Variants in CHRNB3 observed in about 807,000 individuals in gnomAD.
CHRNB3 encodes cholinergic receptor nicotinic beta 3 subunit.
Under a neutral mutation model 40.6 loss-of-function variants are expected in CHRNB3, and 37 were observed. That is an observed-to-expected ratio of 0.91 (90% confidence interval 0.70 to 1.20). The LOEUF is 1.20. Ranked by LOEUF, CHRNB3 falls within the 50% of genes most tolerant of loss-of-function variation. The probability of loss-of-function intolerance (pLI) is 0.00; values close to 1 mark genes in which losing one functional copy is unlikely to be tolerated. For missense variants in CHRNB3, 505 were observed against 551.2 expected (o/e 0.92, Z 0.84); for synonymous variants, 207 against 207.1 (o/e 1.00, Z 0.00).
At chr8:42,703,836 TC>T (rs894228264) in intron 1 of CHRNB3, among the ~76,000 whole-genome samples, 3 of 152,154 alleles carry the variant, frequency 2.0e-5, no homozygotes, top group African/African-American at 7.2e-5. Context: ...ACTTGGCCTT[TC>T]TCATAATGTT....
chr8:42,712,231 G>A (rs2128905880), intron 3 of CHRNB3, among the ~76,000 whole-genome samples: 1 of 152,294 alleles, frequency 6.6e-6, no homozygotes, highest in East Asian at 1.9e-4. Context: ...GGCCTCAGGT[G>A]ATCTGCTCAC....
At chr8:42,730,767 G>GAAAAGTAAGTATCACA in intron 4 of CHRNB3, 64 bp downstream of exon 4, 234 of 1,091,486 alleles carry the variant, frequency 2.1e-4, no homozygotes, top group Middle Eastern at 1.0e-3. Context: ...GTGAAAAAAA[G>GAAAAGTAAGTATCACA]GCTGGGCGCG....
At chr8:42,699,811 A>G (rs1199916275) in intron 1 of CHRNB3, among the ~76,000 whole-genome samples, 1 of 151,338 alleles carries the variant, frequency 6.6e-6, no homozygotes, top group Non-Finnish European at 1.5e-5. Context: ...TCCATTGAAT[A>G]TGCATTCTTT....
chr8:42,725,907 C>A, intron 3 of CHRNB3: 1 of 854,434 alleles, frequency 1.2e-6, no homozygotes, highest in South Asian at 1.3e-5. Context: ...GGCAAAGTCT[C>A]GCAATGGTTC....
Position 42,731,575 on chromosome 8 carries a change from A to C in CHRNB3, c.360-92A>C. 5.9e-6 allele frequency: 8 copies of C among 1,344,772 alleles called. No homozygotes were observed. The South Asian group carries it at 7.5e-5, about 13-fold the overall frequency. 83.3% of individuals were successfully genotyped at this position (1,344,772 alleles called of 1,614,324 possible). The stretch of plus-strand genomic sequence containing the variant: ...ATCTCAAAAAAGAAAAGAAAAGAAA[A>C]GTCATAAAACAGAAATAGTCAATGC... On this transcript the variant is annotated intron_variant, in intron 4 of 5. Transcript: ENST00000289957.
At chr8:42,707,796 T>C (rs1466889352) in intron 1 of CHRNB3, among the ~76,000 whole-genome samples, 1 of 152,166 alleles carries the variant, frequency 6.6e-6, no homozygotes, top group Non-Finnish European at 1.5e-5. Context: ...AAGAGGACCG[T>C]GAGGGGCACA....
chr8:42,697,658 C>A, intron 1 of CHRNB3, 60 bp downstream of exon 1: 1 of 1,235,446 alleles, frequency 8.1e-7, no homozygotes, highest in South Asian at 1.2e-5. Flanking sequence ...GCAGAGGAGG[C>A]AAAACTATGG....
At chr8:42,727,784 A>G (rs1586408019) in intron 3 of CHRNB3, among the ~76,000 whole-genome samples, 1 of 151,982 alleles carries the variant, frequency 6.6e-6, no homozygotes, top group Non-Finnish European at 1.5e-5. Context: ...AATCGCTTGA[A>G]CCCAGGAGGC....
chr8:42,732,171 G>C lies in CHRNB3; in HGVS notation c.864G>C (p.Ser288=), dbSNP rs774382733. Residue 288 remains serine, a synonymous_variant, in exon 5 of 6, where the codon TCG becomes TCC. Transcript: ENST00000289957. ...TAGTGATTGAAGAAATCATCCCATC[G>C]TCTTCCAAAGTCATTCCTCTCATTG... ...FLLVIEEIIP[S]SSKVIPLIGE... 1 of 1,609,174 alleles carries C rather than the reference G, an allele frequency of 6.2e-7. No individual in the cohort carries two copies. Among genetic ancestry groups the C allele is most frequent in the Admixed American group, 1.7e-5 (1 of 58,956 alleles).
rs987096486 is a variant in CHRNB3 at position 42,697,451 on chromosome 8, T to C, written c.-96T>C. On this transcript the variant is annotated 5_prime_UTR_variant, in exon 1 of 6. Transcript: ENST00000289957. ...GTCCTCTTGGGTTCCACTTCGGATT[T>C]TGAACCCCTGTATTTTCTTTTCAAA... 4.7e-6 allele frequency: 5 copies of C among 1,074,232 alleles called. No individual in the cohort carries two copies. The highest frequency in any genetic ancestry group is 1.7e-5 in the Admixed American group (1 of 57,672). The allele number at this position is 1,074,232 out of a possible 1,614,324, so 66.5% of individuals were successfully genotyped here. A position where few individuals can be genotyped will look rare whatever the true frequency, so the allele number is the denominator to read the frequency against.
chr8:42,698,752 G>T (rs1030940498), intron 1 of CHRNB3, among the ~76,000 whole-genome samples: 1 of 152,072 alleles, frequency 6.6e-6, no homozygotes, highest in Non-Finnish European at 1.5e-5. Context: ...ATTAATGTAC[G>T]TGTGTCTGAT....
At chr8:42,708,923 T>C in intron 2 of CHRNB3, 55 bp downstream of exon 2, 1 of 1,509,298 alleles carries the variant, frequency 6.6e-7, no homozygotes, top group African/African-American at 1.4e-5. Flanking sequence ...AACCTGTTTA[T>C]GAGTCTAAAA....
At chr8:42,713,366 G>T (rs1395870412) in intron 3 of CHRNB3, among the ~76,000 whole-genome samples, 1 of 151,982 alleles carries the variant, frequency 6.6e-6, no homozygotes, top group Non-Finnish European at 1.5e-5. Context: ...AATCCCAGAA[G>T]ACTGGTGGGT....
chr8:42,700,024 T>A (rs988665838), intron 1 of CHRNB3, among the ~76,000 whole-genome samples: 18 of 151,890 alleles, frequency 1.2e-4, no homozygotes, highest in Non-Finnish European at 7.4e-5. Flanking sequence ...CTTTTCTTTT[T>A]TTTTTTTGAG....
intron 1 of CHRNB3, among the ~76,000 whole-genome samples, chr8:42,703,426 A>AT (rs1563606324): frequency 3.9e-4 from 31 of 79,784 alleles, no homozygotes; most frequent in African/African-American, 1.4e-3. Context: ...TTCGTCTAAA[A>AT]AAAAAAAAAA....
rs764242939 is a variant in CHRNB3 at position 42,732,537 on chromosome 8, T to C, written c.1230T>C (p.His410=). 1.3e-6 allele frequency: 2 copies of C among 1,593,236 alleles called. No homozygotes were observed. Among genetic ancestry groups the C allele is most frequent in the South Asian group, 1.2e-5 (1 of 86,522 alleles). The change falls in exon 5 of 6, where the codon CAT becomes CAC. Residue 410 remains histidine (H), a synonymous_variant. Transcript: ENST00000289957. ...TTTCGAGACATGTGAAGAAAGAACATTTTATCAGCCAGGTGAGTAAACTGG... is the reference window on the plus strand; with the variant it reads ...TTTCGAGACATGTGAAGAAAGAACACTTTATCAGCCAGGTGAGTAAACTGG... The part of the protein sequence containing the change: ...RYISRHVKKE[H]FISQVVQDWK...
intron 3 of CHRNB3, among the ~76,000 whole-genome samples, chr8:42,717,453 T>A (rs1297836020): frequency 7.0e-6 from 1 of 142,826 alleles, no homozygotes; most frequent in Non-Finnish European, 1.5e-5. Context: ...GTCTGGGTGA[T>A]CTCCCCAAAA....
At chr8:42,719,326 C>A (rs1258675131) in intron 3 of CHRNB3, among the ~76,000 whole-genome samples, 1 of 152,172 alleles carries the variant, frequency 6.6e-6, no homozygotes, top group East Asian at 1.9e-4. Flanking sequence ...GCACAGCCAG[C>A]TCTGTGGTGA....
intron 5 of CHRNB3, among the ~76,000 whole-genome samples, chr8:42,733,040 T>A (rs76947467): frequency 6.6e-6 from 1 of 151,814 alleles, no homozygotes; most frequent in African/African-American, 2.4e-5. Flanking sequence ...TTTTTTTTTT[T>A]AAGTGTGAGC....
Sources: gnomAD v4.1 joint callset for allele counts (sites outside exome capture counted in the v4.1 genomes callset) on GRCh38, gnomAD v4.1.1 for gene constraint, MANE v1.5 for transcripts, NCBI Gene and HGNC (gene_info 2026-07-23, HGNC 2026-07-21) for gene names.